The following COL28A1 variants were observed in gnomAD, a reference collection of about 807,000 sequenced individuals.
COL28A1 encodes the protein collagen alpha-1(XXVIII) chain.
In COL28A1, 161 loss-of-function variants were observed where a neutral mutation model predicts 150.2. That is an observed-to-expected ratio of 1.07 (90% CI 0.94 to 1.22). The LOEUF (loss-of-function observed/expected upper bound fraction) is 1.22. Ranked by LOEUF, COL28A1 falls within the 50% of genes most tolerant of loss-of-function variation. The pLI, the probability that COL28A1 is intolerant of heterozygous loss-of-function variation, is 0.00. For missense variants in COL28A1, 1,617 were observed against 1,388.3 expected (o/e 1.16, Z -2.62); for synonymous variants, 552 against 469.7 (o/e 1.18, Z -2.26).
rs147374985 is a variant in COL28A1 at position 7,379,618 on chromosome 7, A to G, written c.2322+1042T>C. Among the ~76,000 whole-genome samples the G allele has an allele frequency of 3.3e-5, 5 of 152,270 alleles. No homozygotes were observed. The East Asian group carries it at 9.7e-4, about 29-fold the overall frequency. ...GTGCCTATTTTGGAGCCTGATCCAG[A>G]GTAAGGTTTACTGGATACATCCAAT... On this transcript the variant is annotated intron_variant, in intron 30 of 34. Coordinates refer to ENST00000399429, the MANE Select transcript of COL28A1 (RefSeq NM_001037763.3).
upstream of COL28A1, among the ~76,000 whole-genome samples, chr7:7,539,721 T>A (rs745795096): frequency 6.6e-6 from 1 of 152,200 alleles, no homozygotes; most frequent in African/African-American, 2.4e-5. Context: ...CAAATTCTGA[T>A]TGAGTTGATC....
rs189617655 is a variant in COL28A1, at chr7:7,442,762, C to A, written c.1650+823G>T. The stretch of plus-strand genomic sequence containing the variant: ...ACATAAAAATAGAAAGAAGCCCAGG[C>A]GCGGTGGCTCACACCCATAATCCCA... On this transcript the variant is annotated intron_variant, in intron 20 of 34. Coordinates refer to ENST00000399429, the MANE Select transcript of COL28A1 (RefSeq NM_001037763.3). Among the ~76,000 whole-genome samples, 345 of 152,230 alleles carry A rather than the reference C, an allele frequency of 2.3e-3. 1 individual carries two copies. The highest frequency in any genetic ancestry group is 7.9e-3 in the African/African-American group (328 of 41,542).
rs952707904 is a variant in COL28A1, at chr7:7,516,570, G to A, written c.856-730C>T. 4.6e-5 allele frequency among the ~76,000 whole-genome samples: 7 copies of A among 152,152 alleles called. No homozygotes were observed. In the East Asian group the frequency reaches 1.3e-3, roughly 29 times the overall value. On this transcript the variant is annotated intron_variant, in intron 7 of 34. Coordinates refer to ENST00000399429, the MANE Select transcript of COL28A1 (RefSeq NM_001037763.3). ...GGGAAATCACCAGCTCTAAGCAGCA[G>A]CAAGTCCTCTTCAAATGGGATTTTT...
chr7:7,393,244 T>G (rs1410893043), intron 27 of COL28A1, among the ~76,000 whole-genome samples: 2 of 152,236 alleles, frequency 1.3e-5, no homozygotes, highest in African/African-American at 4.8e-5. Flanking sequence ...TGGAGTTTGC[T>G]GGACGTCCAC....
chr7:7,366,255 A>G (rs1780926746), intron 33 of COL28A1, among the ~76,000 whole-genome samples: 1 of 152,192 alleles, frequency 6.6e-6, no homozygotes, highest in South Asian at 2.1e-4. Context: ...ATTCATCATG[A>G]GATATACCAT....
At chr7:7,427,156 G>A (rs867127901) in intron 25 of COL28A1, among the ~76,000 whole-genome samples, 1 of 152,216 alleles carries the variant, frequency 6.6e-6, no homozygotes, top group African/African-American at 2.4e-5. Context: ...GACTACTAGA[G>A]TGCAGCTCAG....
chr7:7,432,804 C>T, intron 23 of COL28A1, 104 bp from the exon 24 acceptor site: 1 of 839,220 alleles, frequency 1.2e-6, no homozygotes, highest in Non-Finnish European at 2.0e-6. Context: ...CGATTTCTAA[C>T]CCGGGAGTTA....
At chr7:7,348,669 C>A in the COL28A1 span, among the ~76,000 whole-genome samples, 1 of 151,418 alleles carries the variant, frequency 6.6e-6, no homozygotes, top group African/African-American at 2.4e-5. Context: ...ATTCGCTCTT[C>A]TTTTCTCATT....
At chr7:7,445,262 AAGAC>A (rs1313362634) in intron 18 of COL28A1, among the ~76,000 whole-genome samples, 1 of 152,232 alleles carries the variant, frequency 6.6e-6, no homozygotes, top group African/African-American at 2.4e-5. Flanking sequence ...ATGCCTCTTG[AAGAC>A]AGACACACAG....
At chr7:7,450,271 G>T (rs1055888139) in intron 18 of COL28A1, among the ~76,000 whole-genome samples, 3 of 152,094 alleles carry the variant, frequency 2.0e-5, no homozygotes, top group African/African-American at 7.2e-5. Context: ...TAAATTCCAT[G>T]TGGGTTAAAT....
chr7:7,530,701 G>A (rs1782299695), intron 3 of COL28A1, among the ~76,000 whole-genome samples: 3 of 152,140 alleles, frequency 2.0e-5, no homozygotes, highest in Admixed American at 2.0e-4. Flanking sequence ...ACAAAGAAAA[G>A]CTGACCAGAC....
At chr7:7,406,597 G>A (rs530263405) in intron 27 of COL28A1, among the ~76,000 whole-genome samples, 295 of 152,230 alleles carry the variant, frequency 1.9e-3, no homozygotes, top group African/African-American at 5.9e-3. Flanking sequence ...ATGGGGTAGG[G>A]GCAGGATAGT....
chr7:7,364,574 C>A (rs1780836318), intron 33 of COL28A1, among the ~76,000 whole-genome samples: 1 of 152,130 alleles, frequency 6.6e-6, no homozygotes, highest in African/African-American at 2.4e-5. Context: ...AAGTTCTAAC[C>A]ACCCCTTTGA....
In COL28A1 at chr7:7,517,790, A is replaced by C; in HGVS notation, c.855+6T>G. ...TCTTAGGAAGGCATTCCAGTTGTGT[A>C]CATACCCCTGGACCTCTTTCTCCAG... On this transcript the variant is annotated splice_donor_region_variant and intron_variant, in intron 7 of 34. Transcript: ENST00000399429. The C allele has an allele frequency of 6.2e-7, 1 of 1,613,722 alleles. No homozygotes were observed. The highest frequency in any genetic ancestry group is 8.5e-7 in the Non-Finnish European group (1 of 1,179,656).
chr7:7,529,933 C>T (rs1007128664), intron 3 of COL28A1, among the ~76,000 whole-genome samples: 4 of 152,250 alleles, frequency 2.6e-5, no homozygotes, highest in African/African-American at 9.6e-5. Flanking sequence ...TTACCTTGAG[C>T]ACCACAGGAC....
intron 19 of COL28A1, 82 bp downstream of exon 19, chr7:7,444,336 T>A: frequency 6.3e-7 from 1 of 1,585,806 alleles, no homozygotes; most frequent in Non-Finnish European, 8.6e-7. Context: ...TCCTGAATGG[T>A]TTTATTCGAG....
rs770929233 is a variant in COL28A1, at chr7:7,531,810, G to C, written c.219C>G (p.Ser73Arg). 2.5e-6 allele frequency: 4 copies of C among 1,601,210 alleles called. No individual in the cohort carries two copies. In the African/African-American group the frequency reaches 5.4e-5, roughly 21 times the overall value. The change falls in exon 3 of 35, where the codon AGC becomes AGG. Residue 73 changes from serine to arginine, a missense_variant. By Grantham distance (110) the Ser-to-Arg change is moderately radical. Coordinates refer to ENST00000399429, the MANE Select transcript of COL28A1 (RefSeq NM_001037763.3). ...TCAATTGGAAAATCTTGTCACTCAA[G>C]CTATCCACAAAATCTTTCTGTTTAT... ...LFDKQKDFVD[S>R]LSDKIFQLTP...
intron 34 of COL28A1, among the ~76,000 whole-genome samples, 193 bp from the exon 35 acceptor site, chr7:7,358,998 C>T (rs1780482544): frequency 1.1e-5 from 1 of 87,410 alleles, no homozygotes; most frequent in Admixed American, 1.4e-4. Flanking sequence ...TGAAACTCTG[C>T]TACTAGATAT....
At chr7:7,451,487 G>C (rs1786689091) in intron 18 of COL28A1, among the ~76,000 whole-genome samples, 1 of 152,116 alleles carries the variant, frequency 6.6e-6, no homozygotes, top group Non-Finnish European at 1.5e-5. Context: ...GCCTCCCAAA[G>C]TGCTGGGATT....
Sources: allele counts gnomAD v4.1 joint callset (sites outside exome capture counted in the v4.1 genomes callset), GRCh38; gene constraint gnomAD v4.1.1; transcripts MANE v1.5; gene names NCBI Gene and HGNC (gene_info 2026-07-23, HGNC 2026-07-21).